The following CCDC91 variants were observed in gnomAD, a reference collection of about 807,000 sequenced individuals.
The protein encoded by CCDC91 is coiled-coil domain-containing protein 91.
Under a neutral mutation model 63.2 loss-of-function variants are expected in CCDC91, and 48 were observed. That is an observed-to-expected ratio of 0.76 (90% CI 0.60 to 0.97). The LOEUF is 0.97. Among genes scored for constraint, CCDC91 ranks in the 50% least tolerant of loss-of-function variants. The pLI is 0.00. For synonymous variants in CCDC91, 167 were observed against 165.8 expected (o/e 1.01, Z -0.06); for missense variants, 500 against 494.6 (o/e 1.01, Z -0.10).
chr12:28,429,543 C>G (rs1253478775), intron 8 of CCDC91, among the ~76,000 whole-genome samples: 1 of 151,984 alleles, frequency 6.6e-6, no homozygotes, highest in Non-Finnish European at 1.5e-5. Context: ...TGGAAACATG[C>G]TCTGGGATTA....
intron 7 of CCDC91, among the ~76,000 whole-genome samples, chr12:28,388,777 A>T (rs1490183767): frequency 1.3e-5 from 2 of 152,150 alleles, no homozygotes; most frequent in African/African-American, 4.8e-5. Flanking sequence ...TTTTCAACAA[A>T]TGGTGCTGGG....
intron 12 of CCDC91, among the ~76,000 whole-genome samples, chr12:28,488,914 C>T (rs1428110495): frequency 6.6e-6 from 1 of 151,910 alleles, no homozygotes; most frequent in Non-Finnish European, 1.5e-5. Flanking sequence ...CAAACTGCAA[C>T]TCATGGGTCA....
intron 6 of CCDC91, among the ~76,000 whole-genome samples, chr12:28,339,424 TA>T (rs1942254285): frequency 1.3e-5 from 2 of 151,966 alleles, no homozygotes; most frequent in African/African-American, 4.8e-5. Context: ...CTGGCATACT[TA>T]AACATGTGGC....
intron 3 of CCDC91, among the ~76,000 whole-genome samples, chr12:28,302,365 G>A (rs1443823212): frequency 6.6e-6 from 1 of 151,806 alleles, no homozygotes; most frequent in Non-Finnish European, 1.5e-5. Context: ...TGAATGTTTA[G>A]CATGTATCTG....
At chr12:28,407,413 G>C (rs1013800359) in intron 8 of CCDC91, among the ~76,000 whole-genome samples, 2 of 152,036 alleles carry the variant, frequency 1.3e-5, no homozygotes, top group African/African-American at 4.8e-5. Context: ...TTATGATACT[G>C]CTTTATTTAG....
At chr12:28,424,578 C>T (rs139506905) in intron 8 of CCDC91, among the ~76,000 whole-genome samples, 38 of 151,882 alleles carry the variant, frequency 2.5e-4, no homozygotes, top group Non-Finnish European at 4.4e-4. Flanking sequence ...CATTAAATTG[C>T]CTATTTATTA....
intron 1 of CCDC91, among the ~76,000 whole-genome samples, chr12:28,234,414 A>G (rs1430762789): frequency 6.6e-6 from 1 of 152,180 alleles, no homozygotes; most frequent in East Asian, 1.9e-4. Context: ...TTAAAAAGCA[A>G]GTGGTCCTTA....
chr12:28,541,814 G>A (rs146188823), intron 12 of CCDC91, among the ~76,000 whole-genome samples: 16 of 152,052 alleles, frequency 1.1e-4, no homozygotes, highest in East Asian at 7.7e-4. Context: ...CTGCCTTGCC[G>A]GAATCAATTC....
chr12:28,384,694 A>T (rs1016936247), intron 7 of CCDC91, among the ~76,000 whole-genome samples: 8 of 152,196 alleles, frequency 5.3e-5, no homozygotes, highest in African/African-American at 1.9e-4. Flanking sequence ...AAGCTAAGAC[A>T]AATGGAAACA....
intron 1 of CCDC91, among the ~76,000 whole-genome samples, chr12:28,247,038 G>A (rs1296451052): frequency 6.6e-6 from 1 of 152,178 alleles, no homozygotes; most frequent in Non-Finnish European, 1.5e-5. Context: ...TGACATATGA[G>A]GACACTGTGG....
chr12:28,307,282 C>A (rs996939195), intron 5 of CCDC91, among the ~76,000 whole-genome samples: 1 of 151,934 alleles, frequency 6.6e-6, no homozygotes, highest in Non-Finnish European at 1.5e-5. Context: ...GGAAGTTAGG[C>A]ATCACAGGAT....
chr12:28,199,519 T>C (rs1294953377), intron 1 of CCDC91, among the ~76,000 whole-genome samples: 3 of 152,206 alleles, frequency 2.0e-5, no homozygotes, highest in Non-Finnish European at 2.9e-5. Context: ...TATTTACCTA[T>C]GTAGTTATCT....
At chr12:28,401,739 C>T (rs1037754565) in intron 8 of CCDC91, among the ~76,000 whole-genome samples, 4 of 152,136 alleles carry the variant, frequency 2.6e-5, no homozygotes, top group African/African-American at 9.7e-5. Flanking sequence ...CAGAGCCAAA[C>T]TATATCAATC....
At chr12:28,384,830 G>A (rs1945503616) in intron 7 of CCDC91, among the ~76,000 whole-genome samples, 1 of 152,058 alleles carries the variant, frequency 6.6e-6, no homozygotes, top group Non-Finnish European at 1.5e-5. Context: ...AGGAAAAATA[G>A]ATGAATGATT....
intron 12 of CCDC91, among the ~76,000 whole-genome samples, chr12:28,544,814 C>G (rs964121755): frequency 2.0e-5 from 3 of 151,930 alleles, no homozygotes; most frequent in Non-Finnish European, 4.4e-5. Context: ...AAGCTAAGGT[C>G]AAGAGATGTT....
intron 8 of CCDC91, among the ~76,000 whole-genome samples, chr12:28,421,532 T>C (rs1380255033): frequency 1.3e-5 from 2 of 150,354 alleles, no homozygotes; most frequent in South Asian, 4.3e-4. Context: ...CAGCAAAGGA[T>C]GTGATCTCTT....
intron 11 of CCDC91, among the ~76,000 whole-genome samples, chr12:28,461,869 G>A (rs141582848): frequency 2.6e-5 from 4 of 152,052 alleles, no homozygotes; most frequent in East Asian, 1.9e-4. Context: ...GATGGCCACC[G>A]TTGTTGCTTA....
intron 12 of CCDC91, among the ~76,000 whole-genome samples, chr12:28,538,799 C>G (rs1942397350): frequency 6.6e-6 from 1 of 152,156 alleles, no homozygotes; most frequent in East Asian, 1.9e-4. Flanking sequence ...GATTGCCATT[C>G]TAACTGGTGT....
chr12:28,218,279 C>G (rs781480212), intron 1 of CCDC91, among the ~76,000 whole-genome samples: 1 of 152,008 alleles, frequency 6.6e-6, no homozygotes, highest in Non-Finnish European at 1.5e-5. Flanking sequence ...CTTTCTACTC[C>G]CATTCCTGCT....
Sources: gnomAD v4.1 joint callset for allele counts (sites outside exome capture counted in the v4.1 genomes callset) on GRCh38, gnomAD v4.1.1 for gene constraint, MANE v1.5 for transcripts, NCBI Gene and HGNC (gene_info 2026-07-23, HGNC 2026-07-21) for gene names.